TTC3: variants seen among roughly 807,000 people sequenced by gnomAD.
The protein encoded by TTC3 is E3 ubiquitin-protein ligase TTC3.
TTC3 carries 180 observed loss-of-function variants against 249.6 expected under a neutral mutation model. The observed-to-expected ratio is 0.72, with a 90% CI of 0.64 to 0.82. TTC3 has a LOEUF of 0.82. Ranked by LOEUF, TTC3 falls within the 40% of genes least tolerant of loss-of-function variation. The pLI is 0.00. For synonymous variants in TTC3, 717 were observed against 805.0 expected (o/e 0.89, Z 1.85); for missense variants, 2,061 against 2,398.4 (o/e 0.86, Z 2.94).
chr21:37,202,676 G>A (rs567766607), exon 46 of TTC3: 10 of 152,366 alleles, frequency 6.6e-5, no homozygotes, highest in African/African-American at 2.4e-4. Flanking sequence ...CTTTTAGACA[G>A]TGGTAAATAT....
intron 7 of TTC3, among the ~76,000 whole-genome samples, chr21:37,092,926 T>C (rs185977491): frequency 6.7e-4 from 102 of 152,318 alleles, no homozygotes; most frequent in African/African-American, 2.4e-3. Flanking sequence ...ATAATAATAG[T>C]GTTTCAAATA....
chr21:37,113,821 TAC>T (rs1568953701), intron 11 of TTC3, among the ~76,000 whole-genome samples: 2 of 152,226 alleles, frequency 1.3e-5, no homozygotes, highest in African/African-American at 4.8e-5. Flanking sequence ...AACAGCATGT[TAC>T]TGGTACCAAA....
At chr21:37,171,804 G>A (rs1425361335) in intron 34 of TTC3, among the ~76,000 whole-genome samples, 1 of 152,186 alleles carries the variant, frequency 6.6e-6, no homozygotes, top group Non-Finnish European at 1.5e-5. Context: ...CATTCACAGA[G>A]TTTCAAATAC....
intron 40 of TTC3, among the ~76,000 whole-genome samples, chr21:37,191,869 G>A (rs971221741): frequency 1.3e-5 from 2 of 152,212 alleles, no homozygotes; most frequent in Non-Finnish European, 2.9e-5. Context: ...GATTGCAGGT[G>A]TGAGCCACCG....
intron 19 of TTC3, among the ~76,000 whole-genome samples, chr21:37,139,600 C>G (rs1569027143): frequency 6.6e-6 from 1 of 152,132 alleles, no homozygotes; most frequent in Non-Finnish European, 1.5e-5. Context: ...GCCCAAGATT[C>G]ATTTTCCTTG....
chr21:37,095,596 G>A, intron 9 of TTC3, 152 bp downstream of exon 9: 1 of 516,204 alleles, frequency 1.9e-6, no homozygotes, highest in East Asian at 3.4e-5. Context: ...GGAAGCATTG[G>A]AGATGGCCTG....
At chr21:37,129,487 C>T (rs1014908130) in intron 16 of TTC3, among the ~76,000 whole-genome samples, 6 of 152,172 alleles carry the variant, frequency 3.9e-5, no homozygotes, top group East Asian at 1.9e-4. Context: ...ACTCTGCATA[C>T]GCAGACATGG....
intron 10 of TTC3, among the ~76,000 whole-genome samples, chr21:37,106,624 C>G (rs758137443): frequency 5.3e-5 from 8 of 152,164 alleles, no homozygotes; most frequent in Non-Finnish European, 1.2e-4. Context: ...GTGGCTCATG[C>G]CTGTATTCCC....
chr21:37,078,806 A>G (rs1480398296), intron 1 of TTC3, among the ~76,000 whole-genome samples: 1 of 152,100 alleles, frequency 6.6e-6, no homozygotes, highest in East Asian at 1.9e-4. Context: ...TTGGTCTTAA[A>G]TGTGCTGGCA....
At chr21:37,087,117 TTC>T in intron 1 of TTC3, 128 bp from the exon 2 acceptor site, 3 of 968,932 alleles carry the variant, frequency 3.1e-6, no homozygotes, top group Non-Finnish European at 4.6e-6. Flanking sequence ...GAGCTCAGTG[TTC>T]TGATAGGAGT....
chr21:37,133,251 C>T (rs1942824444), intron 17 of TTC3, among the ~76,000 whole-genome samples: 1 of 152,058 alleles, frequency 6.6e-6, no homozygotes, highest in East Asian at 1.9e-4. Flanking sequence ...TTAACTTAAT[C>T]AGATAATGTT....
At chr21:37,126,415 G>A (rs1318668839) in intron 15 of TTC3, among the ~76,000 whole-genome samples, 1 of 151,916 alleles carries the variant, frequency 6.6e-6, no homozygotes, top group Admixed American at 6.6e-5. Context: ...ATTTTTTTTA[G>A]GCTGTTGTTT....
intron 11 of TTC3, among the ~76,000 whole-genome samples, chr21:37,109,348 G>A (rs769821051): frequency 6.6e-6 from 1 of 152,176 alleles, no homozygotes; most frequent in Non-Finnish European, 1.5e-5. Context: ...CTGGAAAATT[G>A]GGTCACTTCC....
chr21:37,153,456 C>T (rs1320632447), intron 27 of TTC3, 179 bp downstream of exon 27: 4 of 608,694 alleles, frequency 6.6e-6, no homozygotes, highest in African/African-American at 5.7e-5. Context: ...AGGATGATTG[C>T]TTAATCTCAG....
At chr21:37,141,685 C>T (rs2078478649) in intron 20 of TTC3, among the ~76,000 whole-genome samples, 1 of 152,276 alleles carries the variant, frequency 6.6e-6, no homozygotes, top group Non-Finnish European at 1.5e-5. Flanking sequence ...GAAAGAATCA[C>T]TTGAACCCAG....
At chr21:37,088,271 A>G (rs746054610) in exon 4 of TTC3, 1 of 1,613,736 alleles carries the variant, frequency 6.2e-7, no homozygotes, top group South Asian at 1.1e-5. Context: ...ATTAAAATAA[A>G]CATCTTCTGG....
intron 37 of TTC3, among the ~76,000 whole-genome samples, chr21:37,186,303 G>A (rs1602084817): frequency 2.0e-5 from 3 of 152,168 alleles, no homozygotes; most frequent in Non-Finnish European, 1.5e-5. Flanking sequence ...TGTTTCTTAC[G>A]CACATTCCCA....
At chr21:37,073,892 C>G (rs538967126) in intron 1 of TTC3, among the ~76,000 whole-genome samples, 2 of 152,250 alleles carry the variant, frequency 1.3e-5, no homozygotes, top group Non-Finnish European at 2.9e-5. Context: ...CAATTGCGAC[C>G]CCCGCCTAGA....
At chr21:37,114,567 CT>C (rs2075961105) in intron 11 of TTC3, among the ~76,000 whole-genome samples, 1 of 152,120 alleles carries the variant, frequency 6.6e-6, no homozygotes, top group Non-Finnish European at 1.5e-5. Flanking sequence ...AATAGGAACA[CT>C]TTTACACTGT....
Sources: allele counts gnomAD v4.1 joint callset (sites outside exome capture counted in the v4.1 genomes callset), GRCh38; gene constraint gnomAD v4.1.1; transcripts MANE v1.5; gene names NCBI Gene and HGNC (gene_info 2026-07-23, HGNC 2026-07-21).